Variants in TNIK observed in about 807,000 individuals in gnomAD.
The protein encoded by TNIK is TRAF2 and NCK-interacting protein kinase.
A neutral mutation model predicts 191.3 loss-of-function variants in TNIK; 49 were observed. The observed-to-expected ratio is 0.26, with a 90% CI of 0.20 to 0.32. The LOEUF (loss-of-function observed/expected upper bound fraction) is 0.32. Among genes scored for constraint, TNIK ranks in the 10% least tolerant of loss-of-function variants. The pLI, the probability that TNIK is intolerant of heterozygous loss-of-function variation, is 1.00. For synonymous variants in TNIK, 594 were observed against 600.9 expected (o/e 0.99, Z 0.17); for missense variants, 1,155 against 1,702.3 (o/e 0.68, Z 5.66).
At chr3:171,318,748 T>C (rs2108325019) in intron 2 of TNIK, among the ~76,000 whole-genome samples, 1 of 152,270 alleles carries the variant, frequency 6.6e-6, no homozygotes, top group African/African-American at 2.4e-5. Flanking sequence ...ACTCTCAAAT[T>C]AACACATCTT....
chr3:171,405,229 T>C (rs1448412224), intron 1 of TNIK, among the ~76,000 whole-genome samples: 2 of 152,092 alleles, frequency 1.3e-5, no homozygotes, highest in African/African-American at 4.8e-5. Context: ...TAGATTTAAC[T>C]AAGAAATAAA....
chr3:171,124,410 G>C (rs1275711262), intron 17 of TNIK, among the ~76,000 whole-genome samples: 2 of 152,168 alleles, frequency 1.3e-5, no homozygotes, highest in Non-Finnish European at 2.9e-5. Flanking sequence ...AATAAGACTT[G>C]AGGAAAATGT....
intron 7 of TNIK, among the ~76,000 whole-genome samples, chr3:171,181,737 G>A (rs920800102): frequency 6.6e-6 from 1 of 152,204 alleles, no homozygotes; most frequent in Non-Finnish European, 1.5e-5. Context: ...AATGATGCCA[G>A]CACAGAAAGC....
intron 2 of TNIK, among the ~76,000 whole-genome samples, chr3:171,231,487 A>G (rs7355905): frequency 0.1 from 15,608 of 152,136 alleles, 842 homozygotes; most frequent in South Asian, 0.15. Flanking sequence ...TTGGGCTTAC[A>G]TGAGATCCTG....
chr3:171,115,977 C>G (rs1726623600), intron 18 of TNIK, among the ~76,000 whole-genome samples: 1 of 152,194 alleles, frequency 6.6e-6, no homozygotes, highest in Non-Finnish European at 1.5e-5. Flanking sequence ...AAATCCCTGA[C>G]CAGGGCCTCA....
Position 171,323,457 on chromosome 3 carries a change from G to A in TNIK, c.123+46163C>T, listed in dbSNP as rs576612074. 2.3e-4 allele frequency among the ~76,000 whole-genome samples: 35 copies of A among 152,252 alleles called. No homozygotes were observed. The South Asian group carries it at 3.9e-3, about 17-fold the overall frequency. On this transcript the variant is annotated intron_variant, in intron 2 of 32. Transcript: ENST00000436636. ...TTGTGGATTACACCGCATGGATTACGTTGCCCTAGAATCTAATTCATTCAT... is the reference window on the plus strand; with the variant it reads ...TTGTGGATTACACCGCATGGATTACATTGCCCTAGAATCTAATTCATTCAT...
rs549189219 is a variant in TNIK, at chr3:171,173,159, C to T, written c.773+2093G>A. 5.2e-3 allele frequency among the ~76,000 whole-genome samples: 764 copies of T among 148,288 alleles called. 8 individuals carry two copies. Among genetic ancestry groups the T allele is most frequent in the Non-Finnish European group, 9.0e-3 (604 of 67,380 alleles). ...CAGCACTTTGGGAGGCCGAGGCGGGCGGATCATGAGGTCAGGAGATCAAGA... is the reference window on the plus strand; with the variant it reads ...CAGCACTTTGGGAGGCCGAGGCGGGTGGATCATGAGGTCAGGAGATCAAGA... On this transcript the variant is annotated intron_variant, in intron 9 of 32. Coordinates refer to ENST00000436636, the MANE Select transcript of TNIK (RefSeq NM_015028.4).
chr3:171,445,360 A>G (rs966888533), intron 1 of TNIK, among the ~76,000 whole-genome samples: 3 of 151,560 alleles, frequency 2.0e-5, no homozygotes, highest in African/African-American at 7.3e-5. Context: ...TCGAAGCTGC[A>G]GTGAGCTGAG....
At position 171,326,699 on chromosome 3, in the gene TNIK, T is replaced by A. The variant is rs189933674; in HGVS notation, c.123+42921A>T. 2.2e-4 allele frequency among the ~76,000 whole-genome samples: 34 copies of A among 152,256 alleles called. 1 individual carries two copies. The highest frequency in any genetic ancestry group is 4.3e-4 in the African/African-American group (18 of 41,550). On this transcript the variant is annotated intron_variant, in intron 2 of 32. Coordinates refer to ENST00000436636, the MANE Select transcript of TNIK (RefSeq NM_015028.4). ...CCTAACAATTCACTTAAAAAAAAAATTCCAGATAATGCAAATGCTTCTAGT... is the reference window on the plus strand; with the variant it reads ...CCTAACAATTCACTTAAAAAAAAAAATCCAGATAATGCAAATGCTTCTAGT...
chr3:171,084,775 T>C (rs899593349), intron 25 of TNIK, among the ~76,000 whole-genome samples: 2 of 152,184 alleles, frequency 1.3e-5, no homozygotes, highest in Non-Finnish European at 2.9e-5. Context: ...CAATGTACCA[T>C]ACACTTATTA....
rs781129223 is a variant in TNIK at position 171,157,575 on chromosome 3, C to T, written c.1106G>A (p.Arg369Gln). ...CTGCTGCTGCTCCAGCTGCTGCCTC[C>T]GTAGGGCCTCAGAACGCTCCTTGTT... Reference protein sequence around the residue: ...LANKERSEALRRQQLEQQQRE... With the variant: ...LANKERSEALQRQQLEQQQRE... The change falls in exon 12 of 33, where the codon CGG becomes CAG. Residue 369 changes from arginine (R) to glutamine (Q), a missense_variant. By Grantham distance (43) the Arg-to-Gln change is conservative. Around this residue, in one of 3 missense-constraint regions of TNIK, gnomAD observed 735 missense variants for 848.0 expected, o/e 0.87. Coordinates refer to ENST00000436636, the MANE Select transcript of TNIK (RefSeq NM_015028.4). 1.6e-5 allele frequency: 25 copies of T among 1,558,770 alleles called. No individual in the cohort carries two copies. Among genetic ancestry groups the T allele is most frequent in the Admixed American group, 5.8e-5 (3 of 51,828 alleles).
chr3:171,236,196 A>G (rs1473166128), intron 2 of TNIK, among the ~76,000 whole-genome samples: 1 of 152,186 alleles, frequency 6.6e-6, no homozygotes, highest in Non-Finnish European at 1.5e-5. Context: ...TGAACCTTGT[A>G]AATTGCCACA....
chr3:171,130,011 C>A (rs542009084), intron 15 of TNIK, among the ~76,000 whole-genome samples: 1 of 152,172 alleles, frequency 6.6e-6, no homozygotes, highest in Admixed American at 6.5e-5. Flanking sequence ...CACTGATGGC[C>A]TTTACAGTGA....
chr3:171,337,615 G>A (rs937953727), intron 2 of TNIK, among the ~76,000 whole-genome samples: 6 of 152,196 alleles, frequency 3.9e-5, no homozygotes, highest in African/African-American at 1.4e-4. Context: ...CATAACGATA[G>A]ATGTGTATTA....
chr3:171,181,067 C>G (rs947385122), intron 7 of TNIK, among the ~76,000 whole-genome samples: 1 of 152,210 alleles, frequency 6.6e-6, no homozygotes, highest in Non-Finnish European at 1.5e-5. Flanking sequence ...GTCTTGAACT[C>G]CTGGGCTCAA....
chr3:171,339,365 C>T (rs1025383414), intron 2 of TNIK, among the ~76,000 whole-genome samples: 3 of 152,228 alleles, frequency 2.0e-5, no homozygotes, highest in African/African-American at 4.8e-5. Flanking sequence ...TTAGAGAAGC[C>T]AGTGCTGATC....
chr3:171,097,556 G>A (rs943539938), intron 22 of TNIK, among the ~76,000 whole-genome samples: 1 of 152,164 alleles, frequency 6.6e-6, no homozygotes, highest in African/African-American at 2.4e-5. Context: ...CTGTTCTTGT[G>A]ATAGTGAATA....
chr3:171,184,058 T>G (rs1243952324), intron 7 of TNIK, among the ~76,000 whole-genome samples: 3 of 152,040 alleles, frequency 2.0e-5, no homozygotes, highest in African/African-American at 7.2e-5. Flanking sequence ...TATTAATCCC[T>G]TTATATATAT....
At chr3:171,277,510 AC>A (rs1184398233) in intron 2 of TNIK, among the ~76,000 whole-genome samples, 5 of 152,186 alleles carry the variant, frequency 3.3e-5, no homozygotes, top group Non-Finnish European at 7.3e-5. Context: ...TAAAAAAAAA[AC>A]AAATTTCAGA....
Sources: gnomAD v4.1 joint callset for allele counts (sites outside exome capture counted in the v4.1 genomes callset) on GRCh38, gnomAD v4.1.1 for gene constraint, gnomAD v4.1.1 regional missense constraint, MANE v1.5 for transcripts, NCBI Gene and HGNC (gene_info 2026-07-23, HGNC 2026-07-21) for gene names.